RERE: variants seen among roughly 807,000 people sequenced by gnomAD.
RERE encodes the protein arginine-glutamic acid dipeptide repeats.
A neutral mutation model predicts 146.1 loss-of-function variants in RERE; 40 were observed. The observed-to-expected ratio is 0.27, with a 90% CI of 0.21 to 0.36. The LOEUF is 0.36. Ranked by LOEUF, RERE falls within the 10% of genes least tolerant of loss-of-function variation. The probability of loss-of-function intolerance (pLI) is 1.00; values close to 1 mark genes in which losing one functional copy is unlikely to be tolerated. For missense variants in RERE, 1,933 were observed against 2,138.7 expected (o/e 0.90, Z 1.90); for synonymous variants, 1,003 against 866.0 (o/e 1.16, Z -2.78).
intron 1 of RERE, among the ~76,000 whole-genome samples, chr1:8,766,546 C>CAAAAAAAAAAAAAA (rs60530407): frequency 3.0e-5 from 2 of 66,000 alleles, no homozygotes; most frequent in Non-Finnish European, 6.5e-5. Flanking sequence ...GACTCCATTG[C>CAAAAAAAAAAAAAA]AAAAAAAAAA....
At chr1:8,522,102 C>T (rs917327517) in intron 7 of RERE, among the ~76,000 whole-genome samples, 3 of 152,088 alleles carry the variant, frequency 2.0e-5, no homozygotes, top group African/African-American at 7.2e-5. Flanking sequence ...TCTCATTAGA[C>T]CAAAAAGAAA....
intron 1 of RERE, among the ~76,000 whole-genome samples, chr1:8,754,164 AAT>A (rs2124520500): frequency 6.6e-6 from 1 of 152,152 alleles, no homozygotes; most frequent in South Asian, 2.1e-4. Context: ...TTTAAGCCCT[AAT>A]ATGTGTTAGG....
At chr1:8,464,832 C>G (rs934841762) in intron 11 of RERE, 4 of 152,202 alleles carry the variant, frequency 2.6e-5, no homozygotes, top group African/African-American at 9.7e-5. Flanking sequence ...TGCTTCACCA[C>G]CCCCGGCACA....
At chr1:8,550,304 GT>G (rs1645918001) in intron 6 of RERE, among the ~76,000 whole-genome samples, 1 of 152,172 alleles carries the variant, frequency 6.6e-6, no homozygotes, top group African/African-American at 2.4e-5. Context: ...TTAATAAAAA[GT>G]GTTAAATGAT....
chr1:8,756,839 C>A (rs1025414613), intron 1 of RERE, among the ~76,000 whole-genome samples: 3 of 152,134 alleles, frequency 2.0e-5, no homozygotes, highest in African/African-American at 7.2e-5. Context: ...CACCTGTAAT[C>A]CCAGCACTTT....
chr1:8,416,270 G>A (rs1312930637), intron 12 of RERE, among the ~76,000 whole-genome samples: 2 of 152,192 alleles, frequency 1.3e-5, no homozygotes, highest in African/African-American at 4.8e-5. Context: ...AGTGGGAATT[G>A]AGAAGAAAAC....
rs112129423 is a variant in RERE at position 8,666,716 on chromosome 1, C to G, written c.-144-10275G>C. ...TTGCAGATGAAGCTGCAAGATATCA[C>G]TGAAATATGAAGTCAGCAGATCTGC... On this transcript the variant is annotated intron_variant, in intron 1 of 22. Transcript: ENST00000400908. Among the ~76,000 whole-genome samples the G allele has an allele frequency of 6.2e-3, 942 of 152,280 alleles. 3 individuals are homozygous for G. The highest frequency in any genetic ancestry group is 7.7e-3 in the Non-Finnish European group (525 of 68,030).
intron 1 of RERE, among the ~76,000 whole-genome samples, chr1:8,683,796 G>T (rs1262325390): frequency 6.6e-6 from 1 of 152,012 alleles, no homozygotes; most frequent in Non-Finnish European, 1.5e-5. Context: ...TACAAAATAA[G>T]CCGGGCAGGG....
At chr1:8,698,606 T>G (rs1259912661) in intron 1 of RERE, among the ~76,000 whole-genome samples, 3 of 152,230 alleles carry the variant, frequency 2.0e-5, no homozygotes, top group Non-Finnish European at 4.4e-5. Flanking sequence ...GAAACAAATC[T>G]AATTGTTCAG....
intron 1 of RERE, among the ~76,000 whole-genome samples, chr1:8,716,631 T>A (rs1319776704): frequency 6.6e-6 from 1 of 151,744 alleles, no homozygotes; most frequent in Non-Finnish European, 1.5e-5. Flanking sequence ...AAATAAACAG[T>A]ACACCACCAC....
At chr1:8,525,545 C>G (rs950084535) in intron 7 of RERE, among the ~76,000 whole-genome samples, 10 of 152,372 alleles carry the variant, frequency 6.6e-5, no homozygotes, top group African/African-American at 2.4e-4. Flanking sequence ...CAAAGCTTCA[C>G]ATTCTATATC....
At chr1:8,753,170 A>G (rs1232238764) in intron 1 of RERE, among the ~76,000 whole-genome samples, 1 of 152,200 alleles carries the variant, frequency 6.6e-6, no homozygotes, top group Admixed American at 6.5e-5. Flanking sequence ...TGTTTCATCA[A>G]ACCACTCAAG....
chr1:8,744,330 G>A (rs573885180), intron 1 of RERE, among the ~76,000 whole-genome samples: 1 of 152,320 alleles, frequency 6.6e-6, no homozygotes, highest in South Asian at 2.1e-4. Flanking sequence ...AGTTCCATAT[G>A]TGGGTAGTAA....
At chr1:8,699,677 G>A (rs1233027029) in intron 1 of RERE, among the ~76,000 whole-genome samples, 2 of 152,136 alleles carry the variant, frequency 1.3e-5, no homozygotes, top group African/African-American at 4.8e-5. Context: ...CAATCTGAAT[G>A]TTTTAACTTC....
rs375248484 is a variant in RERE at position 8,633,454 on chromosome 1, G to GACACAC, written c.326-9080_326-9075dup. Among the ~76,000 whole-genome samples the GACACAC allele has an allele frequency of 1.9e-4, 28 of 150,580 alleles. No individual in the cohort carries two copies. In the South Asian group the frequency reaches 5.5e-3, roughly 29 times the overall value. ...ACGCACGTGCGCACGCACACACACAGACACACACACACACACACACACAAA... is the reference window on the plus strand; with the variant it reads ...ACGCACGTGCGCACGCACACACACAGACACACACACACACACACACACACACACAAA... On this transcript the variant is annotated intron_variant, in intron 2 of 22. Transcript: ENST00000400908.
At chr1:8,441,055 A>G (rs1264773253) in intron 11 of RERE, among the ~76,000 whole-genome samples, 2 of 151,872 alleles carry the variant, frequency 1.3e-5, no homozygotes, top group Non-Finnish European at 2.9e-5. Flanking sequence ...CTCAGATGAT[A>G]AACCCTTGGA....
chr1:8,488,396 C>T (rs1476339986), intron 10 of RERE, among the ~76,000 whole-genome samples: 2 of 152,128 alleles, frequency 1.3e-5, no homozygotes, highest in Non-Finnish European at 2.9e-5. Flanking sequence ...CACGCACGTG[C>T]CACCATGCCC....
At chr1:8,716,089 G>C (rs1261889693) in intron 1 of RERE, among the ~76,000 whole-genome samples, 1 of 151,364 alleles carries the variant, frequency 6.6e-6, no homozygotes, top group African/African-American at 2.4e-5. Flanking sequence ...AAGCTGCAGT[G>C]AACAGTGATC....
chr1:8,467,914 G>C (rs1570286436), intron 10 of RERE, among the ~76,000 whole-genome samples: 2 of 152,192 alleles, frequency 1.3e-5, no homozygotes, highest in East Asian at 3.9e-4. Context: ...AAAGTATTGG[G>C]ATAACAGGCA....
Sources: allele counts gnomAD v4.1 joint callset (sites outside exome capture counted in the v4.1 genomes callset), GRCh38; gene constraint gnomAD v4.1.1; transcripts MANE v1.5; gene names NCBI Gene and HGNC (gene_info 2026-07-23, HGNC 2026-07-21).